CHI3L2: variants seen among roughly 807,000 people sequenced by gnomAD.
CHI3L2 encodes the protein chitinase-3-like protein 2.
In CHI3L2, 47 loss-of-function variants were observed where a neutral mutation model predicts 47.3. That is an observed-to-expected ratio of 0.99 (90% CI 0.79 to 1.27). The LOEUF (loss-of-function observed/expected upper bound fraction) is 1.27, where lower values mean the gene tolerates loss of function less well. Among genes scored for constraint, CHI3L2 ranks in the 50% most tolerant of loss-of-function variants. The probability of loss-of-function intolerance (pLI) is 0.00; values close to 1 mark genes in which losing one functional copy is unlikely to be tolerated. For synonymous variants in CHI3L2, 198 were observed against 169.9 expected, an observed-to-expected ratio of 1.17 and a Z score of -1.28; for missense variants, 497 against 462.1, an observed-to-expected ratio of 1.08 and a Z score of -0.69.
At chr1:111,233,180 A>G (rs1659776784) in intron 4 of CHI3L2, among the ~76,000 whole-genome samples, 1 of 152,184 alleles carries the variant, frequency 6.6e-6, no homozygotes. Flanking sequence ...ATTCTAGTTC[A>G]GATGAAGCCC....
intron 10 of CHI3L2, chr1:111,242,601 G>C: frequency 5.6e-6 from 2 of 356,216 alleles, no homozygotes; most frequent in Non-Finnish European, 1.0e-5. Context: ...ATTGAGCATA[G>C]TATGAGCTAA....
At chr1:111,227,710 A>C, upstream of CHI3L2, 1 of 1,614,020 alleles carries the variant, frequency 6.2e-7, no homozygotes, top group South Asian at 1.1e-5. Context: ...TGTGTATCCC[A>C]GAAGAAGCTG....
At chr1:111,238,986 C>T (rs1363408005) in intron 8 of CHI3L2, 54 bp downstream of exon 8, 33 of 1,487,546 alleles carry the variant, frequency 2.2e-5, no homozygotes, top group Non-Finnish European at 2.8e-5. Flanking sequence ...GGTAGATGTT[C>T]CATCTTCAAT....
chr1:111,231,360 C>G, intron 4 of CHI3L2, 66 bp downstream of exon 4: 1 of 1,264,226 alleles, frequency 7.9e-7, no homozygotes, highest in Non-Finnish European at 1.1e-6. Context: ...CATTTTTCCT[C>G]CTTCTAAGAA....
At chr1:111,240,871 T>C (rs575288223) in intron 8 of CHI3L2, among the ~76,000 whole-genome samples, 1 of 152,318 alleles carries the variant, frequency 6.6e-6, no homozygotes, top group South Asian at 2.1e-4. Flanking sequence ...AGATGAGGAA[T>C]AGTGGTGATG....
chr1:111,231,013 T>A, intron 3 of CHI3L2, 70 bp downstream of exon 3: 2 of 1,195,196 alleles, frequency 1.7e-6, no homozygotes, highest in Non-Finnish European at 2.5e-6. Context: ...AAGCTGACAC[T>A]AAGACATACT....
Position 111,243,223 on chromosome 1 carries a change from C to T in CHI3L2, c.*9C>T. 6.6e-6 allele frequency: 3 copies of T among 456,048 alleles called. No individual in the cohort carries two copies. Among genetic ancestry groups the T allele is most frequent in the South Asian group, 4.6e-5 (3 of 64,550 alleles). The allele number at this position is 456,048 out of a possible 1,614,324, so 28.3% of individuals were successfully genotyped here. A position where few individuals can be genotyped will look rare whatever the true frequency, so the allele number is the denominator to read the frequency against. Reference sequence around the variant, plus strand: ...TTTTTCCTTTTGTTTCCAGGATTAACTTACAGAGAAGCAGGCAAGATGACC... The same window carrying T: ...TTTTTCCTTTTGTTTCCAGGATTAATTTACAGAGAAGCAGGCAAGATGACC... On this transcript the variant is annotated 3_prime_UTR_variant, in exon 11 of 11. Transcript: ENST00000369748.
intron 4 of CHI3L2, among the ~76,000 whole-genome samples, chr1:111,232,776 G>A (rs1659763066): frequency 1.3e-5 from 2 of 152,142 alleles, no homozygotes; most frequent in African/African-American, 4.8e-5. Flanking sequence ...AATTTCTATT[G>A]AATGGGCAGC....
At position 111,230,822 on chromosome 1, in the gene CHI3L2, A is replaced by T; in HGVS notation, c.151A>T (p.Ile51Phe). 1.2e-6 allele frequency: 2 copies of T among 1,614,152 alleles called. No individual in the cohort carries two copies. Among genetic ancestry groups the T allele is most frequent in the Non-Finnish European group, 1.7e-6 (2 of 1,180,024 alleles). Residue 51 changes from isoleucine to phenylalanine, a missense_variant, in exon 3 of 11, where the codon ATT becomes TTT. Ile to Phe is a conservative substitution (Grantham distance 21). Coordinates refer to ENST00000369748, the MANE Select transcript of CHI3L2 (RefSeq NM_004000.3). ...ACCAGGAAAATTCACCCCTGAGAAT[A>T]TTGACCCCTTCCTATGCTCTCATCT... ...QEPGKFTPEN[I>F]DPFLCSHLIY...
At chr1:111,229,594 A>G in intron 1 of CHI3L2, 1 of 340,742 alleles carries the variant, frequency 2.9e-6, no homozygotes, top group Non-Finnish European at 4.3e-6. Flanking sequence ...AGGCAGGAGA[A>G]TGGCGTGAAC....
At chr1:111,241,514 T>A in intron 9 of CHI3L2, 71 bp downstream of exon 9, 1 of 818,430 alleles carries the variant, frequency 1.2e-6, no homozygotes, top group Non-Finnish European at 2.1e-6. Context: ...CTGAATACTC[T>A]ATGTTCAAAG....
intron 1 of CHI3L2, among the ~76,000 whole-genome samples, chr1:111,229,458 G>A (rs1224453929): frequency 1.3e-5 from 2 of 151,672 alleles, no homozygotes; most frequent in South Asian, 2.1e-4. Flanking sequence ...CGAGGCGGGC[G>A]GATCACGAGG....
intron 4 of CHI3L2, among the ~76,000 whole-genome samples, chr1:111,231,850 G>A (rs999250221): frequency 4.6e-5 from 7 of 152,122 alleles, no homozygotes; most frequent in African/African-American, 1.4e-4. Flanking sequence ...GCACACATTC[G>A]AAATAATATT....
At chr1:111,233,242 G>A (rs1659778469) in intron 4 of CHI3L2, among the ~76,000 whole-genome samples, 1 of 152,134 alleles carries the variant, frequency 6.6e-6, no homozygotes, top group South Asian at 2.1e-4. Flanking sequence ...CCCGGGGGTG[G>A]GGAGATCTGC....
At chr1:111,236,763 A>G (rs1270464941) in intron 7 of CHI3L2, among the ~76,000 whole-genome samples, 1 of 152,236 alleles carries the variant, frequency 6.6e-6, no homozygotes, top group African/African-American at 2.4e-5. Flanking sequence ...CAATAGAGAA[A>G]GAGTTAAAGT....
chr1:111,232,414 G>A (rs1659748887), intron 4 of CHI3L2, among the ~76,000 whole-genome samples: 1 of 152,196 alleles, frequency 6.6e-6, no homozygotes, highest in African/African-American at 2.4e-5. Context: ...CCAGTTTAGT[G>A]GTTGAAAGTA....
rs111324310 is a variant in CHI3L2 at position 111,234,756 on chromosome 1, C to T, written c.330-151C>T. On this transcript the variant is annotated intron_variant, in intron 4 of 10. Coordinates refer to ENST00000369748, the MANE Select transcript of CHI3L2 (RefSeq NM_004000.3). ...TCCGGCCCAACAATCCTTTTTCTCT[C>T]GTCTGTTCCAAAAGGGGAAAGCATT... 227 of 707,216 alleles carry T rather than the reference C, an allele frequency of 3.2e-4. 1 individual carries two copies. Among genetic ancestry groups the T allele is most frequent in the South Asian group, 1.0e-3 (53 of 51,780 alleles). The allele number at this position is 707,216 out of a possible 1,614,324, so 43.8% of individuals were successfully genotyped here. A position where few individuals can be genotyped will look rare whatever the true frequency, so the allele number is the denominator to read the frequency against.
intron 6 of CHI3L2, 53 bp downstream of exon 6, chr1:111,235,816 A>C: frequency 6.2e-7 from 1 of 1,601,648 alleles, no homozygotes; most frequent in Non-Finnish European, 8.5e-7. Context: ...TGGTCCATGC[A>C]AATGATGCAT....
chr1:111,229,312 T>C (rs1398193774), intron 1 of CHI3L2, among the ~76,000 whole-genome samples: 2 of 151,958 alleles, frequency 1.3e-5, no homozygotes, highest in African/African-American at 4.8e-5. Context: ...AAAAATAAAT[T>C]CCCAGCTTGG....
Sources: allele counts gnomAD v4.1 joint callset (sites outside exome capture counted in the v4.1 genomes callset), GRCh38; gene constraint gnomAD v4.1.1; transcripts MANE v1.5; gene names NCBI Gene and HGNC (gene_info 2026-07-23, HGNC 2026-07-21).